Variants in DSP observed in about 807,000 individuals in gnomAD.
DSP encodes desmoplakin, also known as 250/210 kDa paraneoplastic pemphigus antigen.
Under a neutral mutation model 290.6 loss-of-function variants are expected in DSP, and 114 were observed. That is an observed-to-expected ratio of 0.39 (90% CI 0.34 to 0.46). DSP has a LOEUF of 0.46. Among genes scored for constraint, DSP ranks in the 20% least tolerant of loss-of-function variants. DSP has a pLI of 0.99. For missense variants in DSP, 3,230 were observed against 3,495.8 expected (o/e 0.92, Z 1.92); for synonymous variants, 1,311 against 1,316.4 (o/e 1.00, Z 0.09).
rs1285375270 is a variant in DSP at position 7,580,764 on chromosome 6, T to C, written c.4574T>C (p.Ile1525Thr). 4 of 1,613,792 alleles carry C rather than the reference T, an allele frequency of 2.5e-6. No individual in the cohort carries two copies. In the South Asian group the frequency reaches 4.4e-5, roughly 18 times the overall value. ...GCAAACAGTAGTGCGACGGAGACAA[T>C]AAACAAACTGAAGGTTCAGGAGCAA... ...QKANSSATETINKLKVQEQEL... is the reference protein window; with the variant it reads ...QKANSSATETTNKLKVQEQEL... The change falls in exon 23 of 24, where the codon ATA becomes ACA. Residue 1525 changes from isoleucine (I) to threonine (T), a missense_variant. Around this residue, in one of 5 missense-constraint regions of DSP, gnomAD observed 1,714 missense variants for 1,844.5 expected, o/e 0.93. Coordinates refer to ENST00000379802, the MANE Select transcript of DSP (RefSeq NM_004415.4). This position sits in a 1 kb window ranked among gnomAD's most constrained non-coding sequence, Gnocchi z 4.2.
At chr6:7,578,850 G>A (rs1373265818) in intron 22 of DSP, among the ~76,000 whole-genome samples, 6 of 152,162 alleles carry the variant, frequency 3.9e-5, no homozygotes, top group African/African-American at 1.4e-4. Context: ...CTGTGTTAAA[G>A]ATAACATCTT....
chr6:7,577,662 C>A, intron 20 of DSP, 117 bp from the exon 21 acceptor site: 1 of 878,178 alleles, frequency 1.1e-6, no homozygotes, highest in Non-Finnish European at 1.9e-6. Flanking sequence ...GGCGCAAAGT[C>A]TTTGGAGTGG....
rs549451471 is a variant in DSP at position 7,583,857 on chromosome 6, C to T, written c.6595C>T (p.Leu2199Phe). ...CAGAATCGAACCACATACTGGTCTG[C>T]TCTTGCTTTCAGTACAGAAGAGAAG... ...RCRIEPHTGL[L>F]LLSVQKRSMS... Residue 2199 changes from leucine (L) to phenylalanine (F), a missense_variant, in exon 24 of 24, where the codon CTC becomes TTC. Leu to Phe is a conservative substitution (Grantham distance 22, BLOSUM62 0). Coordinates refer to ENST00000379802, the MANE Select transcript of DSP (RefSeq NM_004415.4). This position sits in a 1 kb window ranked among gnomAD's most constrained non-coding sequence, Gnocchi z 4.0. 8.1e-6 allele frequency: 13 copies of T among 1,614,108 alleles called. No homozygotes were observed. The African/African-American group carries it at 1.6e-4, about 20-fold the overall frequency.
chr6:7,554,125 A>ACACACACACACACACAC (rs772041102), intron 1 of DSP, among the ~76,000 whole-genome samples: 3 of 144,398 alleles, frequency 2.1e-5, no homozygotes, highest in Non-Finnish European at 3.0e-5. Context: ...ACACACACAC[A>ACACACACACACACACAC]CCCAGTTGGT....
chr6:7,551,899 C>A (rs1758353436), intron 1 of DSP, among the ~76,000 whole-genome samples: 1 of 152,136 alleles, frequency 6.6e-6, no homozygotes, highest in Non-Finnish European at 1.5e-5. Flanking sequence ...ATGGACCGAG[C>A]CATTCACAAG....
Position 7,541,720 on chromosome 6 carries a change from C to T in DSP, c.-196C>T, listed in dbSNP as rs1455796472. ...AGCCACAGCTTTCCTCCCGCTCCTG[C>T]CCCCGGCCCGTCGCCGTCTCCGCGC... is the stretch of plus-strand genomic sequence containing the variant. On this transcript the variant is annotated 5_prime_UTR_variant, in exon 1 of 24. Coordinates refer to ENST00000379802, the MANE Select transcript of DSP (RefSeq NM_004415.4). 3.1e-6 allele frequency: 2 copies of T among 641,306 alleles called. No homozygotes were observed. Among genetic ancestry groups the T allele is most frequent in the Non-Finnish European group, 2.6e-6 (1 of 390,710 alleles). The allele number at this position is 641,306 out of a possible 1,614,324, so 39.7% of individuals were successfully genotyped here.
In DSP at chr6:7,559,301, C is replaced by G; in HGVS notation, c.498C>G (p.Ser166=). ...TCCCTCGAGTCCGCAGGGCCAGCTCCAAGGGTGGTGGAGGCTACACTTGTC... is the reference window on the plus strand; with the variant it reads ...TCCCTCGAGTCCGCAGGGCCAGCTCGAAGGGTGGTGGAGGCTACACTTGTC... ...ISVPRVRRAS[S]KGGGGYTCQS... The change falls in exon 4 of 24, where the codon TCC becomes TCG. Residue 166 remains serine, a synonymous_variant. Coordinates refer to ENST00000379802, the MANE Select transcript of DSP (RefSeq NM_004415.4). 3 of 1,613,966 alleles carry G rather than the reference C, an allele frequency of 1.9e-6. No homozygotes were observed. The highest frequency in any genetic ancestry group is 2.5e-6 in the Non-Finnish European group (3 of 1,180,038).
rs763549172 is a variant in DSP at position 7,583,809 on chromosome 6, T to C, written c.6547T>C (p.Tyr2183His). Reference sequence around the variant, plus strand: ...TCCAGTCACCAAAAAGAAGGTCAGTTACGTGCAGCTGAAGGAACGGTGCAG... The same window carrying C: ...TCCAGTCACCAAAAAGAAGGTCAGTCACGTGCAGCTGAAGGAACGGTGCAG... Reference protein sequence around the residue: ...VDPVTKKKVSYVQLKERCRIE... With the variant: ...VDPVTKKKVSHVQLKERCRIE... The change falls in exon 24 of 24, where the codon TAC (tyrosine) becomes CAC (histidine). Residue 2183 changes from tyrosine to histidine, a missense_variant. By Grantham distance (83) the Tyr-to-His change is moderately conservative. Coordinates refer to ENST00000379802, the MANE Select transcript of DSP (RefSeq NM_004415.4). This position sits in a 1 kb window ranked among gnomAD's most constrained non-coding sequence, Gnocchi z 4.0. 7 of 1,614,050 alleles carry C rather than the reference T, an allele frequency of 4.3e-6. No homozygotes were observed. The highest frequency in any genetic ancestry group is 4.2e-6 in the Non-Finnish European group (5 of 1,180,000).
rs758479763 is a variant in DSP at position 7,580,816 on chromosome 6, T to C, written c.4626T>C (p.Tyr1542=). 11 of 1,614,100 alleles carry C rather than the reference T, an allele frequency of 6.8e-6. No homozygotes were observed. The South Asian group carries it at 1.2e-4, about 18-fold the overall frequency. ...EQELTRLRID[Y]ERVSQERTVK... ...AACTGACACGCCTGAGGATCGACTA[T>C]GAAAGGGTTTCCCAGGAGAGGACTG... Residue 1542 remains tyrosine, a synonymous_variant, in exon 23 of 24, where the codon TAT becomes TAC. Coordinates refer to ENST00000379802, the MANE Select transcript of DSP (RefSeq NM_004415.4). This position sits in a 1 kb window ranked among gnomAD's most constrained non-coding sequence, Gnocchi z 4.2.
intron 1 of DSP, among the ~76,000 whole-genome samples, chr6:7,543,139 G>C (rs949213238): frequency 1.1e-4 from 17 of 152,152 alleles, no homozygotes; most frequent in Non-Finnish European, 1.5e-4. Context: ...TGAGCCGTGC[G>C]CGTTTTGCAG....
In DSP at chr6:7,584,431, T is replaced by C. The variant is rs779025714; in HGVS notation, c.7169T>C (p.Ile2390Thr). 6.2e-7 allele frequency: 1 copy of C among 1,614,172 alleles called. No individual in the cohort carries two copies. The highest frequency in any genetic ancestry group is 8.5e-7 in the Non-Finnish European group (1 of 1,180,032). Residue 2390 changes from isoleucine (I) to threonine (T), a missense_variant, in exon 24 of 24, where the codon ATA becomes ACA. Coordinates refer to ENST00000379802, the MANE Select transcript of DSP (RefSeq NM_004415.4). The surrounding 1 kb of genome is among the most constrained non-coding windows in gnomAD (Gnocchi z 6.4). ...GAGAGCCATCGTTTACCAGTTGACA[T>C]AGCATATAAGAGGGGCTATTTCAAT... Reference protein sequence around the residue: ...PKESHRLPVDIAYKRGYFNEE... With the variant: ...PKESHRLPVDTAYKRGYFNEE...
At chr6:7,567,262 T>C in intron 8 of DSP, 92 bp from the exon 9 acceptor site, 1 of 1,009,590 alleles carries the variant, frequency 9.9e-7, no homozygotes, top group Non-Finnish European at 1.6e-6. Context: ...AAAAACTGCT[T>C]ACTAGCTTTC....
Position 7,584,882 on chromosome 6 carries a change from C to A in DSP, c.7620C>A (p.Asp2540Glu), listed in dbSNP as rs2113702817. The change falls in exon 24 of 24, where the codon GAC becomes GAA. Residue 2540 changes from aspartate to glutamate, a missense_variant. Physicochemically the swap from Asp to Glu is conservative, Grantham distance 45. Around this residue, in one of 5 missense-constraint regions of DSP, gnomAD observed 582 missense variants for 555.4 expected, o/e 1.05. Coordinates refer to ENST00000379802, the MANE Select transcript of DSP (RefSeq NM_004415.4). This position sits in a 1 kb window ranked among gnomAD's most constrained non-coding sequence, Gnocchi z 6.4. Reference sequence around the variant, plus strand: ...ATGCTATTGACAAGGGCCTTGTTGACAGGAAGTTCTTTGATCAGTACCGAT... The same window carrying A: ...ATGCTATTGACAAGGGCCTTGTTGAAAGGAAGTTCTTTGATCAGTACCGAT... ...IQDAIDKGLV[D>E]RKFFDQYRSG... 5 of 1,614,196 alleles carry A rather than the reference C, an allele frequency of 3.1e-6. No individual in the cohort carries two copies. Among genetic ancestry groups the A allele is most frequent in the Non-Finnish European group, 4.2e-6 (5 of 1,180,036 alleles).
intron 13 of DSP, 21 bp downstream of exon 13, chr6:7,570,584 AGG>A (rs1410996511): frequency 1.9e-6 from 3 of 1,611,242 alleles, no homozygotes; most frequent in Non-Finnish European, 1.7e-6. Flanking sequence ...AGGGCCACTT[AGG>A]CTGCCTGGAG....
In DSP at chr6:7,581,374, GC is replaced by G; in HGVS notation, c.5185del (p.Leu1729TrpfsTer6). On this transcript the variant is annotated frameshift_variant, in exon 23 of 24. Coordinates refer to ENST00000379802, the MANE Select transcript of DSP (RefSeq NM_004415.4). LOFTEE classifies it high-confidence loss of function. ...MLEEELRNLR[L>X]EYDDLRRGRS... is the part of the protein sequence containing the mutation. ...TAGAAGAAGAACTGCGGAACCTGAG[GC>G]TGGAGTACGATGACCTGAGGAGAGG... 1 of 1,614,206 alleles carries G rather than the reference GC, an allele frequency of 6.2e-7. No individual in the cohort carries two copies. The highest frequency in any genetic ancestry group is 8.5e-7 in the Non-Finnish European group (1 of 1,180,044).
chr6:7,574,507 T>G, intron 16 of DSP, 150 bp from the exon 17 acceptor site: 1 of 1,121,444 alleles, frequency 8.9e-7, no homozygotes, highest in Non-Finnish European at 1.3e-6. Context: ...ATACAAAATG[T>G]TGGTCTGAAT....
rs1285537835 is a variant in DSP at position 7,586,409 on chromosome 6, A to G, written c.*531A>G. 1 of 153,844 alleles carries G rather than the reference A, an allele frequency of 6.5e-6. No individual in the cohort carries two copies. The highest frequency in any genetic ancestry group is 1.9e-4 in the East Asian group (1 of 5,194). The allele number at this position is 153,844 out of a possible 1,614,324, so 9.5% of individuals were successfully genotyped here. ...AGAGTGTGGATTGTATAACCCATATACTCTTCGATGTACTTGTTTGGTTTG... is the reference window on the plus strand; with the variant it reads ...AGAGTGTGGATTGTATAACCCATATGCTCTTCGATGTACTTGTTTGGTTTG... On this transcript the variant is annotated 3_prime_UTR_variant, in exon 24 of 24. Transcript: ENST00000379802.
rs781565155 is a variant in DSP at position 7,579,237 on chromosome 6, G to A, written c.3085-38G>A. ...CTGCTTCTTTCTTGGAATGTGAGGTGTTTTTCTTTTGACATAATCTCTGAT... is the reference window on the plus strand; with the variant it reads ...CTGCTTCTTTCTTGGAATGTGAGGTATTTTTCTTTTGACATAATCTCTGAT... On this transcript the variant is annotated intron_variant, in intron 22 of 23. Coordinates refer to ENST00000379802, the MANE Select transcript of DSP (RefSeq NM_004415.4). The surrounding 1 kb of genome is among the most constrained non-coding windows in gnomAD (Gnocchi z 4.1). 1 of 1,611,706 alleles carries A rather than the reference G, an allele frequency of 6.2e-7. No homozygotes were observed. The highest frequency in any genetic ancestry group is 2.2e-5 in the East Asian group (1 of 44,828).
intron 15 of DSP, among the ~76,000 whole-genome samples, chr6:7,572,463 T>C (rs1370296110): frequency 6.6e-6 from 1 of 152,094 alleles, no homozygotes; most frequent in East Asian, 1.9e-4. Flanking sequence ...ATGGCCCAGG[T>C]GTGTCAGCTC....
Sources: gnomAD v4.1 joint callset for allele counts (sites outside exome capture counted in the v4.1 genomes callset) on GRCh38, gnomAD v4.1.1 for gene constraint, gnomAD v4.1.1 regional missense constraint, Gnocchi (gnomAD v3.1) non-coding constraint, MANE v1.5 for transcripts, NCBI Gene and HGNC (gene_info 2026-07-23, HGNC 2026-07-21) for gene names.